The following EPB41L4B variants were observed in gnomAD, a reference collection of about 807,000 sequenced individuals.
EPB41L4B encodes the protein band 4.1-like protein 4B.
Under a neutral mutation model 112.5 loss-of-function variants are expected in EPB41L4B, and 30 were observed. That is an observed-to-expected ratio of 0.27 (90% confidence interval 0.20 to 0.36). The LOEUF is 0.36. Among genes scored for constraint, EPB41L4B ranks in the 10% least tolerant of loss-of-function variants. The pLI is 1.00. For missense variants in EPB41L4B, 1,024 were observed against 1,133.3 expected (o/e 0.90, Z 1.38); for synonymous variants, 408 against 439.7 (o/e 0.93, Z 0.90).
At chr9:109,282,679 A>G (rs1836113089) in intron 1 of EPB41L4B, among the ~76,000 whole-genome samples, 1 of 152,168 alleles carries the variant, frequency 6.6e-6, no homozygotes, top group Admixed American at 6.5e-5. Context: ...AGAACCACTC[A>G]GGACAAATGA....
chr9:109,315,075 GT>G (rs1837583661), intron 1 of EPB41L4B, among the ~76,000 whole-genome samples: 1 of 152,044 alleles, frequency 6.6e-6, no homozygotes, highest in Non-Finnish European at 1.5e-5. Context: ...CTGGTCTCCA[GT>G]CCCTCCCCTA....
chr9:109,195,901 T>C (rs941946656), intron 20 of EPB41L4B, among the ~76,000 whole-genome samples: 1 of 152,194 alleles, frequency 6.6e-6, no homozygotes, highest in African/African-American at 2.4e-5. Flanking sequence ...ATATCTAAAA[T>C]TCAGCAAGTC....
rs751468345 is a variant in EPB41L4B at position 109,176,612 on chromosome 9, C to T, written c.2572G>A (p.Glu858Lys). The T allele has an allele frequency of 2.5e-6, 4 of 1,613,936 alleles. No individual in the cohort carries two copies. The Admixed American group carries it at 6.7e-5, about 27-fold the overall frequency. Residue 858 changes from glutamate to lysine, a missense_variant, in exon 25 of 26, where the codon GAG (glutamate) becomes AAG (lysine). Physicochemically the swap from Glu to Lys is moderately conservative, Grantham distance 56. Transcript: ENST00000374566. The part of the protein sequence containing the change: ...IPAATLRPLT[E>K]TVSTVQTIYT... ...ATGGTCTGCACTGTGGAGACGGTCT[C>T]TGTCAAAGGCCTCAGGGTCGCTGCT...
chr9:109,239,488 A>T, intron 15 of EPB41L4B, among the ~76,000 whole-genome samples: 1 of 152,224 alleles, frequency 6.6e-6, no homozygotes, highest in South Asian at 2.1e-4. Context: ...TGACAGAATG[A>T]GAAGACTTGG....
At position 109,235,341 on chromosome 9, in the gene EPB41L4B, A is replaced by G. The variant is rs576098070; in HGVS notation, c.1409+8277T>C. 3.3e-5 allele frequency among the ~76,000 whole-genome samples: 5 copies of G among 149,686 alleles called. No homozygotes were observed. The East Asian group carries it at 9.8e-4, about 29-fold the overall frequency. ...CCCTTTCCCTTTGTAAACTTAGAAT[A>G]TACATCTCAAACCATCAATCTATTA... is the stretch of plus-strand genomic sequence containing the variant. On this transcript the variant is annotated intron_variant, in intron 15 of 25. Transcript: ENST00000374566.
At position 109,297,621 on chromosome 9, in the gene EPB41L4B, G is replaced by A. The variant is rs74356993; in HGVS notation, c.307-17700C>T. ...CTCTGCCCAGGACCTCTGACTCTAAGCCCCAGGACCTCCCACAGCATCCCT... is the reference window on the plus strand; with the variant it reads ...CTCTGCCCAGGACCTCTGACTCTAAACCCCAGGACCTCCCACAGCATCCCT... On this transcript the variant is annotated intron_variant, in intron 1 of 25. Transcript: ENST00000374566. Among the ~76,000 whole-genome samples the A allele has an allele frequency of 6.3e-3, 960 of 152,348 alleles. 24 individuals are homozygous for A. The East Asian group carries it at 0.094, about 15-fold the overall frequency.
intron 4 of EPB41L4B, among the ~76,000 whole-genome samples, chr9:109,266,953 A>G (rs1835424250): frequency 7.1e-6 from 1 of 140,098 alleles, no homozygotes; most frequent in Non-Finnish European, 1.5e-5. Context: ...TAGGCAACAC[A>G]GCAAGATTTT....
intron 14 of EPB41L4B, 65 bp from the exon 15 acceptor site, chr9:109,243,747 T>A (rs1433992002): frequency 6.5e-7 from 1 of 1,538,756 alleles, no homozygotes; most frequent in Non-Finnish European, 9.0e-7. Context: ...CTCATTCGCT[T>A]TGTCTGTTCC....
rs76647721 is a variant in EPB41L4B, at chr9:109,258,754, C to T, written c.632-457G>A. On this transcript the variant is annotated intron_variant, in intron 6 of 25. Coordinates refer to ENST00000374566, the MANE Select transcript of EPB41L4B (RefSeq NM_019114.5). ...ATCAAGAATTCGGCACATGCAGCAT[C>T]CAGGGGGAAAGTAGGAAGGGGAGGG... is the stretch of plus-strand genomic sequence containing the variant. 1.4e-3 allele frequency among the ~76,000 whole-genome samples: 211 copies of T among 152,124 alleles called. 2 individuals carry two copies. The highest frequency in any genetic ancestry group is 4.8e-3 in the African/African-American group (198 of 41,486).
At chr9:109,215,011 C>T (rs1013914113) in intron 16 of EPB41L4B, among the ~76,000 whole-genome samples, 1 of 152,102 alleles carries the variant, frequency 6.6e-6, no homozygotes, top group Non-Finnish European at 1.5e-5. Flanking sequence ...GGACAGAGTT[C>T]GGATTCTTCA....
intron 17 of EPB41L4B, among the ~76,000 whole-genome samples, chr9:109,208,287 GA>G (rs373618429): frequency 3.3e-5 from 5 of 152,332 alleles, no homozygotes; most frequent in African/African-American, 1.2e-4. Flanking sequence ...AAGGTTTAAA[GA>G]GAAGAAAAGG....
At chr9:109,288,974 T>C (rs1836417177) in intron 1 of EPB41L4B, among the ~76,000 whole-genome samples, 1 of 152,108 alleles carries the variant, frequency 6.6e-6, no homozygotes, top group African/African-American at 2.4e-5. Context: ...ATCTAAGGTA[T>C]TTAGTCACGG....
At chr9:109,310,234 C>G (rs1837365390) in intron 1 of EPB41L4B, among the ~76,000 whole-genome samples, 1 of 151,974 alleles carries the variant, frequency 6.6e-6, no homozygotes, top group Non-Finnish European at 1.5e-5. Context: ...AGGAAAAATT[C>G]ATGTATATAC....
intron 1 of EPB41L4B, among the ~76,000 whole-genome samples, chr9:109,290,402 T>C (rs903337632): frequency 2.0e-5 from 3 of 152,190 alleles, no homozygotes; most frequent in Non-Finnish European, 4.4e-5. Flanking sequence ...TAGAGGTATG[T>C]GAAGTTTAGT....
At chr9:109,247,354 C>T (rs866262066) in intron 14 of EPB41L4B, among the ~76,000 whole-genome samples, 4 of 152,246 alleles carry the variant, frequency 2.6e-5, no homozygotes, top group Admixed American at 6.5e-5. Context: ...ATTTCCCAAA[C>T]ATTTGACCAA....
At chr9:109,310,964 C>G (rs887322818) in intron 1 of EPB41L4B, among the ~76,000 whole-genome samples, 1 of 152,114 alleles carries the variant, frequency 6.6e-6, no homozygotes, top group Admixed American at 6.6e-5. Flanking sequence ...TAGGATTCCA[C>G]TTATATGGGG....
intron 1 of EPB41L4B, among the ~76,000 whole-genome samples, chr9:109,306,431 T>C (rs759919003): frequency 3.3e-5 from 5 of 152,050 alleles, no homozygotes; most frequent in Non-Finnish European, 7.4e-5. Flanking sequence ...CTGCCCAATA[T>C]GGCAAAACCC....
chr9:109,291,756 A>C (rs1408995613), intron 1 of EPB41L4B, among the ~76,000 whole-genome samples: 2 of 152,166 alleles, frequency 1.3e-5, no homozygotes, highest in East Asian at 3.9e-4. Context: ...TCCACGGATG[A>C]CCAGGGCCCT....
intron 15 of EPB41L4B, among the ~76,000 whole-genome samples, chr9:109,231,631 C>T (rs943516779): frequency 6.6e-6 from 1 of 152,206 alleles, no homozygotes; most frequent in African/African-American, 2.4e-5. Flanking sequence ...GGGTCTGAGT[C>T]CTGTGTGAGG....
Sources: gnomAD v4.1 joint callset for allele counts (sites outside exome capture counted in the v4.1 genomes callset) on GRCh38, gnomAD v4.1.1 for gene constraint, MANE v1.5 for transcripts, NCBI Gene and HGNC (gene_info 2026-07-23, HGNC 2026-07-21) for gene names.